COL23A1: variants seen among roughly 807,000 people sequenced by gnomAD.
COL23A1 encodes collagen alpha-1(XXIII) chain.
COL23A1 carries 97 observed loss-of-function variants against 99.3 expected under a neutral mutation model. The ratio of observed to expected loss-of-function variants is 0.98; its 90% CI spans 0.83 to 1.16. COL23A1 has a LOEUF of 1.16. Ranked by LOEUF, COL23A1 falls within the 50% of genes most tolerant of loss-of-function variation. COL23A1 has a pLI of 0.00. For synonymous variants in COL23A1, 320 were observed against 308.2 expected (o/e 1.04, Z -0.40); for missense variants, 762 against 757.4 (o/e 1.01, Z -0.07).
intron 2 of COL23A1, among the ~76,000 whole-genome samples, chr5:178,556,225 A>G (rs1762263259): frequency 6.6e-6 from 1 of 152,188 alleles, no homozygotes; most frequent in South Asian, 2.1e-4. Flanking sequence ...CACCTCAAAG[A>G]GAAAGGGCAA....
intron 1 of COL23A1, among the ~76,000 whole-genome samples, chr5:178,585,937 G>T (rs1438402449): frequency 6.6e-6 from 1 of 152,220 alleles, no homozygotes; most frequent in Non-Finnish European, 1.5e-5. Context: ...GTGGCTGTAA[G>T]TCTGCCGAAA....
Position 178,237,891 on chromosome 5 carries a change from G to C in COL23A1, c.*807C>G, listed in dbSNP as rs1349190915. 6.6e-6 allele frequency: 1 copy of C among 152,388 alleles called. No homozygotes were observed. Among genetic ancestry groups the C allele is most frequent in the Non-Finnish European group, 1.5e-5 (1 of 68,128 alleles). 9.4% of individuals were successfully genotyped at this position (152,388 alleles called of 1,614,324 possible). On this transcript the variant is annotated 3_prime_UTR_variant, in exon 29 of 29. Coordinates refer to ENST00000390654, the MANE Select transcript of COL23A1 (RefSeq NM_173465.4). ...GCCAGTGAGACCCAGACTCTGAGTG[G>C]GAGGCCTGCCTCCCTGGTCCAGGCC...
At chr5:178,311,454 C>T (rs1019413969) in intron 2 of COL23A1, among the ~76,000 whole-genome samples, 1 of 151,464 alleles carries the variant, frequency 6.6e-6, no homozygotes, top group East Asian at 1.9e-4. Context: ...CATCACAATG[C>T]GGGGCTTTAA....
chr5:178,326,626 C>T (rs1375453983), intron 2 of COL23A1, among the ~76,000 whole-genome samples: 1 of 152,180 alleles, frequency 6.6e-6, no homozygotes, highest in African/African-American at 2.4e-5. Flanking sequence ...CTTCTCCCTC[C>T]CTCAGACCTC....
At chr5:178,256,759 T>G in intron 14 of COL23A1, 107 bp downstream of exon 14, 1 of 1,136,210 alleles carries the variant, frequency 8.8e-7, no homozygotes, top group South Asian at 1.5e-5. Flanking sequence ...CAGGCCCTCC[T>G]GGGACTTAAA....
At chr5:178,575,911 GTAGCCAC>G (rs1215604327) in intron 1 of COL23A1, among the ~76,000 whole-genome samples, 4 of 152,336 alleles carry the variant, frequency 2.6e-5, no homozygotes, top group African/African-American at 9.6e-5. Context: ...GAATATGACC[GTAGCCAC>G]AACTACTTCA....
intron 1 of COL23A1, among the ~76,000 whole-genome samples, chr5:178,563,283 T>C (rs1562094266): frequency 6.6e-6 from 1 of 152,096 alleles, no homozygotes; most frequent in South Asian, 2.1e-4. Flanking sequence ...ACAGGACCCT[T>C]GTGAGCAGCC....
intron 2 of COL23A1, among the ~76,000 whole-genome samples, chr5:178,401,882 C>T (rs540959260): frequency 6.6e-6 from 1 of 152,296 alleles, no homozygotes; most frequent in African/African-American, 2.4e-5. Flanking sequence ...ATGGCGCAAT[C>T]TCGGCTCACT....
chr5:178,286,015 C>T (rs1166181183), intron 5 of COL23A1, among the ~76,000 whole-genome samples: 2 of 152,214 alleles, frequency 1.3e-5, no homozygotes, highest in East Asian at 3.8e-4. Flanking sequence ...TGGAGGCACA[C>T]AGCTGGTCTT....
chr5:178,487,792 C>T (rs1180034201), intron 2 of COL23A1, among the ~76,000 whole-genome samples: 10 of 152,300 alleles, frequency 6.6e-5, no homozygotes, highest in Non-Finnish European at 1.0e-4. Context: ...CATCCTAACT[C>T]GGAACAGCCA....
chr5:178,324,220 C>G (rs1318156218), intron 2 of COL23A1, among the ~76,000 whole-genome samples: 1 of 152,080 alleles, frequency 6.6e-6, no homozygotes, highest in African/African-American at 2.4e-5. Context: ...TTCAGTGGGG[C>G]TGGAGAATTT....
chr5:178,357,862 T>G (rs1440066525), intron 2 of COL23A1, among the ~76,000 whole-genome samples: 2 of 148,060 alleles, frequency 1.4e-5, no homozygotes, highest in Non-Finnish European at 3.1e-5. Flanking sequence ...TGTATGTGTA[T>G]GTATATGTGT....
chr5:178,308,985 T>C lies in COL23A1; in HGVS notation c.362-2066A>G, dbSNP rs927206537. ...TTCGGGGCTCTTGCCAGGCCTCAGG[T>C]TGTGCTCGGCCCAGCGAAGCAGTAG... On this transcript the variant is annotated intron_variant, in intron 2 of 28. Coordinates refer to ENST00000390654, the MANE Select transcript of COL23A1 (RefSeq NM_173465.4). The surrounding 1 kb of genome is among the most constrained non-coding windows in gnomAD (Gnocchi z 5.1). 6.6e-6 allele frequency among the ~76,000 whole-genome samples: 1 copy of C among 152,086 alleles called. No homozygotes were observed. The highest frequency in any genetic ancestry group is 1.9e-4 in the East Asian group (1 of 5,184).
rs183156924 is a variant in COL23A1 at position 178,414,864 on chromosome 5, T to C, written c.362-107945A>G. On this transcript the variant is annotated intron_variant, in intron 2 of 28. Transcript: ENST00000390654. ...AGGCAGCCACATCCCACAGCCCTGC[T>C]TGAAGGCAAAGCAAGACCATCGAGC... Among the ~76,000 whole-genome samples the C allele has an allele frequency of 1.9e-3, 282 of 152,238 alleles. 2 individuals carry two copies. Among genetic ancestry groups the C allele is most frequent in the Admixed American group, 0.014 (218 of 15,302 alleles).
chr5:178,399,532 G>A (rs1764324997), intron 2 of COL23A1, among the ~76,000 whole-genome samples: 1 of 152,214 alleles, frequency 6.6e-6, no homozygotes, highest in African/African-American at 2.4e-5. Flanking sequence ...GGGAGCAGCT[G>A]ACGGCAGGCT....
intron 2 of COL23A1, among the ~76,000 whole-genome samples, chr5:178,343,102 T>C (rs1443867553): frequency 1.3e-5 from 2 of 152,228 alleles, no homozygotes; most frequent in Non-Finnish European, 2.9e-5. Flanking sequence ...TGTGAGGGCA[T>C]GGCCAACACA....
rs771243496 is a variant in COL23A1, at chr5:178,442,563, G to A, written c.361+118119C>T. Among the ~76,000 whole-genome samples, 12 of 152,144 alleles carry A rather than the reference G, an allele frequency of 7.9e-5. 1 individual carries two copies. The highest frequency in any genetic ancestry group is 7.9e-4 in the Admixed American group (12 of 15,272). ...AGTCTGCCATTCGGGGAGCACCAGC[G>A]TGCTTCCTGCTGACTCAGGGAAACC... is the stretch of plus-strand genomic sequence containing the variant. On this transcript the variant is annotated intron_variant, in intron 2 of 28. Coordinates refer to ENST00000390654, the MANE Select transcript of COL23A1 (RefSeq NM_173465.4).
At chr5:178,483,742 G>A (rs997416526) in intron 2 of COL23A1, among the ~76,000 whole-genome samples, 2 of 152,150 alleles carry the variant, frequency 1.3e-5, no homozygotes, top group Non-Finnish European at 2.9e-5. Context: ...TTAGGTTACG[G>A]GGCCCATCTC....
intron 2 of COL23A1, among the ~76,000 whole-genome samples, chr5:178,327,372 T>C (rs577035233): frequency 4.5e-4 from 68 of 152,208 alleles, no homozygotes; most frequent in African/African-American, 1.6e-3. Flanking sequence ...CAATTCTGGG[T>C]ACAGAAGGGG....
Sources: gnomAD v4.1 joint callset for allele counts (sites outside exome capture counted in the v4.1 genomes callset) on GRCh38, gnomAD v4.1.1 for gene constraint, Gnocchi (gnomAD v3.1) non-coding constraint, MANE v1.5 for transcripts, NCBI Gene and HGNC (gene_info 2026-07-23, HGNC 2026-07-21) for gene names.